Variants in DTNB observed in about 807,000 individuals in gnomAD.
DTNB encodes DTN-B.
A neutral mutation model predicts 90.7 loss-of-function variants in DTNB; 63 were observed. That is an observed-to-expected ratio of 0.69 (90% CI 0.57 to 0.86). The LOEUF (loss-of-function observed/expected upper bound fraction) is 0.86. DTNB is among the 40% of genes least tolerant of loss of function. DTNB has a pLI of 0.00. For synonymous variants in DTNB, 277 were observed against 286.7 expected (o/e 0.97, Z 0.34); for missense variants, 744 against 807.1 (o/e 0.92, Z 0.95).
At chr2:25,599,418 T>C (rs2065354876) in intron 5 of DTNB, among the ~76,000 whole-genome samples, 1 of 151,854 alleles carries the variant, frequency 6.6e-6, no homozygotes, top group Non-Finnish European at 1.5e-5. Flanking sequence ...CTTGGCTCAC[T>C]GCAAGCTCCA....
intron 1 of DTNB, among the ~76,000 whole-genome samples, chr2:25,662,925 G>A (rs1005126507): frequency 6.6e-6 from 1 of 151,996 alleles, no homozygotes; most frequent in Admixed American, 6.6e-5. Context: ...TTTAAGTTCT[G>A]CGATACATGT....
At chr2:25,568,130 C>G (rs1273696903) in intron 8 of DTNB, among the ~76,000 whole-genome samples, 2 of 151,184 alleles carry the variant, frequency 1.3e-5, no homozygotes, top group African/African-American at 4.9e-5. Context: ...TGCACTCCAG[C>G]CTGGCGACAC....
chr2:25,612,727 G>A (rs2068969856), intron 4 of DTNB, among the ~76,000 whole-genome samples: 1 of 151,990 alleles, frequency 6.6e-6, no homozygotes, highest in Non-Finnish European at 1.5e-5. Flanking sequence ...AATATTAAGA[G>A]GGGATATCAC....
chr2:25,489,881 C>A (rs563331445), intron 9 of DTNB, among the ~76,000 whole-genome samples: 1 of 152,180 alleles, frequency 6.6e-6, no homozygotes, highest in Admixed American at 6.5e-5. Flanking sequence ...AGGATTCACA[C>A]AAACTTAAAA....
intron 16 of DTNB, among the ~76,000 whole-genome samples, chr2:25,404,261 CAG>C (rs771587369): frequency 2.6e-5 from 4 of 152,288 alleles, no homozygotes; most frequent in Middle Eastern, 6.8e-3. Context: ...AGCAGAGAAA[CAG>C]AGGAAAAGCA....
chr2:25,399,864 A>G (rs955358075), intron 16 of DTNB, among the ~76,000 whole-genome samples: 3 of 75,088 alleles, frequency 4.0e-5, no homozygotes, highest in East Asian at 1.4e-3. Context: ...TCTGTGACCT[A>G]TGATCTTCGC....
intron 15 of DTNB, 82 bp from the exon 16 acceptor site, chr2:25,419,617 T>C (rs2048867763): frequency 2.0e-6 from 3 of 1,517,634 alleles, no homozygotes; most frequent in East Asian, 2.5e-5. Context: ...ACCACAAACA[T>C]TGGTCAGAAA....
intron 16 of DTNB, among the ~76,000 whole-genome samples, chr2:25,409,442 G>A (rs989773463): frequency 1.3e-5 from 2 of 152,150 alleles, no homozygotes; most frequent in Non-Finnish European, 2.9e-5. Context: ...AAAAAGAAAT[G>A]GGATTTAGCT....
At chr2:25,437,910 A>G (rs991683728) in intron 12 of DTNB, among the ~76,000 whole-genome samples, 1 of 152,244 alleles carries the variant, frequency 6.6e-6, no homozygotes, top group Non-Finnish European at 1.5e-5. Flanking sequence ...AGAAACCCAA[A>G]AAATAAATAT....
intron 10 of DTNB, among the ~76,000 whole-genome samples, chr2:25,457,670 T>C (rs1050496949): frequency 6.6e-6 from 1 of 152,152 alleles, no homozygotes; most frequent in African/African-American, 2.4e-5. Context: ...CTTTTATTAT[T>C]ATTCTCTCAT....
At chr2:25,599,670 T>G (rs746048505) in intron 5 of DTNB, among the ~76,000 whole-genome samples, 51 of 152,106 alleles carry the variant, frequency 3.4e-4, no homozygotes, top group Non-Finnish European at 4.7e-4. Context: ...GGAACTACCA[T>G]GCAGACAGTT....
chr2:25,654,824 G>T (rs923112294), intron 1 of DTNB, among the ~76,000 whole-genome samples: 1 of 152,146 alleles, frequency 6.6e-6, no homozygotes, highest in Non-Finnish European at 1.5e-5. Flanking sequence ...TCTGAATCTC[G>T]GATTCATCAT....
chr2:25,527,263 C>A (rs1048412670), intron 9 of DTNB, among the ~76,000 whole-genome samples: 9 of 152,172 alleles, frequency 5.9e-5, no homozygotes, highest in Non-Finnish European at 1.0e-4. Flanking sequence ...GTGGTTCACG[C>A]CTGTAATCCC....
At chr2:25,648,580 TA>T (rs957050840) in intron 2 of DTNB, among the ~76,000 whole-genome samples, 10 of 151,388 alleles carry the variant, frequency 6.6e-5, no homozygotes, top group East Asian at 3.9e-4. Context: ...AAACTAAGGT[TA>T]AAAAAAAACT....
intron 10 of DTNB, among the ~76,000 whole-genome samples, chr2:25,456,466 T>C (rs753091434): frequency 5.9e-5 from 9 of 152,318 alleles, no homozygotes; most frequent in East Asian, 5.8e-4. Flanking sequence ...AAAATGTCCA[T>C]TTACAATTAA....
At chr2:25,410,961 T>A (rs941723878) in intron 16 of DTNB, among the ~76,000 whole-genome samples, 11 of 150,732 alleles carry the variant, frequency 7.3e-5, no homozygotes, top group Non-Finnish European at 1.3e-4. Context: ...TTAAACCCAC[T>A]GTAACTGCTG....
In DTNB at chr2:25,577,009, T is replaced by C; in HGVS notation, c.710-5A>G. ...AGCACTCCACGGGATGGAAGACTTG[T>C]GGACAGGAGAGAAAAGGGGAGAAAA... On this transcript the variant is annotated splice_region_variant and splice_polypyrimidine_tract_variant and intron_variant, in intron 7 of 20. Transcript: ENST00000406818. 1.3e-6 allele frequency: 2 copies of C among 1,597,444 alleles called. No homozygotes were observed. The highest frequency in any genetic ancestry group is 1.7e-5 in the Admixed American group (1 of 57,386).
chr2:25,650,581 AG>A (rs1234178613), intron 2 of DTNB, among the ~76,000 whole-genome samples: 1 of 152,250 alleles, frequency 6.6e-6, no homozygotes, highest in African/African-American at 2.4e-5. Context: ...AAAAGGGGCC[AG>A]AAGGGCCTTG....
rs116542990 is a variant in DTNB, at chr2:25,554,219, G to A, written c.876+22619C>T. On this transcript the variant is annotated intron_variant, in intron 8 of 20. Transcript: ENST00000406818. The stretch of plus-strand genomic sequence containing the variant: ...TTGGGCTGTCATCAATTTAGCCTGG[G>A]TGGGAAGCATTCAAATGGAGACAGG... Among the ~76,000 whole-genome samples the A allele has an allele frequency of 1.7e-3, 253 of 152,332 alleles. 1 individual carries two copies. Among genetic ancestry groups the A allele is most frequent in the African/African-American group, 5.8e-3 (240 of 41,578 alleles).
Sources: gnomAD v4.1 joint callset for allele counts (sites outside exome capture counted in the v4.1 genomes callset) on GRCh38, gnomAD v4.1.1 for gene constraint, MANE v1.5 for transcripts, NCBI Gene and HGNC (gene_info 2026-07-23, HGNC 2026-07-21) for gene names.